The following RTN3 variants were observed in gnomAD, a reference collection of about 807,000 sequenced individuals.
RTN3 encodes reticulon 3.
Under a neutral mutation model 77.8 loss-of-function variants are expected in RTN3, and 49 were observed. The ratio of observed to expected loss-of-function variants is 0.63; its 90% CI spans 0.50 to 0.80. The LOEUF (loss-of-function observed/expected upper bound fraction) is 0.80, where lower values mean the gene tolerates loss of function less well. RTN3 is among the 30% of genes least tolerant of loss of function. The probability of loss-of-function intolerance (pLI) is 0.00; values close to 1 mark genes in which losing one functional copy is unlikely to be tolerated. For missense variants in RTN3, 1,236 were observed against 1,211.9 expected (o/e 1.02, Z -0.29); for synonymous variants, 464 against 446.9 (o/e 1.04, Z -0.48).
rs144097273 is a variant in RTN3 at position 63,719,775 on chromosome 11, T to C, written c.1273T>C (p.Leu425=). ...AITGKPVPDS[L]NSTKEFSIKG... Reference sequence around the variant, plus strand: ...TACTGGAAAACCTGTACCTGACTCTTTGAATTCCACAAAAGAATTCAGTAT... The same window carrying C: ...TACTGGAAAACCTGTACCTGACTCTCTGAATTCCACAAAAGAATTCAGTAT... Residue 425 remains leucine, a synonymous_variant, in exon 3 of 9, where the codon TTG becomes CTG. Coordinates refer to ENST00000377819, the MANE Select transcript of RTN3 (RefSeq NM_001265589.2). 32 of 1,614,170 alleles carry C rather than the reference T, an allele frequency of 2.0e-5. No homozygotes were observed. The highest frequency in any genetic ancestry group is 5.0e-5 in the Admixed American group (3 of 60,014).
At chr11:63,735,512 A>G (rs536786713) in intron 3 of RTN3, among the ~76,000 whole-genome samples, 19 of 150,288 alleles carry the variant, frequency 1.3e-4, no homozygotes, top group South Asian at 2.1e-4. Flanking sequence ...ACACTGATCT[A>G]TGGATTCAAG....
chr11:63,754,042 C>T (rs887872184), intron 7 of RTN3, among the ~76,000 whole-genome samples: 2 of 152,148 alleles, frequency 1.3e-5, no homozygotes, highest in Non-Finnish European at 2.9e-5. Context: ...GTAATCCCAG[C>T]ACTTTGGGAT....
Position 63,752,967 on chromosome 11 carries a change from C to G in RTN3, c.2878-102C>G. On this transcript the variant is annotated intron_variant, in intron 5 of 8. Coordinates refer to ENST00000377819, the MANE Select transcript of RTN3 (RefSeq NM_001265589.2). ...TGGAAATTGTCCATGTCACACATCA[C>G]TAAATTTATGCAGACTTAATTAGCT... 2.6e-6 allele frequency: 3 copies of G among 1,151,756 alleles called. No homozygotes were observed. In the South Asian group the frequency reaches 4.1e-5, roughly 16 times the overall value. 71.3% of individuals were successfully genotyped at this position (1,151,756 alleles called of 1,614,324 possible).
chr11:63,686,504 A>G lies in RTN3; in HGVS notation c.142+4726A>G, dbSNP rs145109907. On this transcript the variant is annotated intron_variant, in intron 1 of 8. Coordinates refer to ENST00000377819, the MANE Select transcript of RTN3 (RefSeq NM_001265589.2). ...AAAAAAAAAAAAGAACAAATTCTAT[A>G]CTTGCTAGAGACTGCTTTTTATTGT... Among the ~76,000 whole-genome samples, 149 of 150,284 alleles carry G rather than the reference A, an allele frequency of 9.9e-4. No homozygotes were observed. The East Asian group carries it at 0.017, about 18-fold the overall frequency.
chr11:63,719,392 T>G lies in RTN3; in HGVS notation c.890T>G (p.Leu297Arg), dbSNP rs765776716. 1.2e-6 allele frequency: 2 copies of G among 1,614,170 alleles called. No homozygotes were observed. Among genetic ancestry groups the G allele is most frequent in the African/African-American group, 1.3e-5 (1 of 75,038 alleles). ...ISETNDKLFP[L>R]RNKEAGRYPM... ...GAGACTAATGACAAGCTTTTTCCAC[T>G]GAGAAATAAAGAGGCAGGACGTTAC... Residue 297 changes from leucine to arginine, a missense_variant, in exon 3 of 9, where the codon CTG (leucine) becomes CGG (arginine). Physicochemically the swap from Leu to Arg is moderately radical, Grantham distance 102 (BLOSUM62 -2). This residue lies in a region of RTN3 where 1,056 missense variants were observed against 990.4 expected (regional missense o/e 1.07). Coordinates refer to ENST00000377819, the MANE Select transcript of RTN3 (RefSeq NM_001265589.2).
chr11:63,714,369 TC>T (rs2011273795), intron 2 of RTN3: 1 of 187,596 alleles, frequency 5.3e-6, no homozygotes, highest in African/African-American at 2.4e-5. Flanking sequence ...TCTAAGCTTG[TC>T]CCCAGAAAAA....
Position 63,719,103 on chromosome 11 carries a change from GCTGATGACAGATTCA to G in RTN3, c.604_618del (p.Asp202_Thr206del). The G allele has an allele frequency of 1.2e-6, 2 of 1,614,172 alleles. No individual in the cohort carries two copies. Among genetic ancestry groups the G allele is most frequent in the Non-Finnish European group, 1.7e-6 (2 of 1,180,034 alleles). ...TAGGGAGGCTAAAACTGCATTGGAT[GCTGATGACAGATTCA>G]CTTTGCTGACAGCCCAGAAACCACC... is the stretch of plus-strand genomic sequence containing the variant. On this transcript the variant is annotated inframe_deletion, in exon 3 of 9. Transcript: ENST00000377819.
chr11:63,718,759 T>G lies in RTN3; in HGVS notation c.257T>G (p.Phe86Cys). The change falls in exon 3 of 9, where the codon TTT becomes TGT. Residue 86 changes from phenylalanine (F) to cysteine (C), a missense_variant. Phe to Cys is a radical substitution (Grantham distance 205). Around this residue, in one of 3 missense-constraint regions of RTN3, gnomAD observed 1,056 missense variants for 990.4 expected, o/e 1.07. Coordinates refer to ENST00000377819, the MANE Select transcript of RTN3 (RefSeq NM_001265589.2). ...TCTTCAGAAATTATGACTTCTTCCT[T>G]TCTTTCATCTTCTGAAATACATAAC... ...EPSSEIMTSS[F>C]LSSSEIHNTG... is the part of the protein sequence containing the mutation. 1 of 1,606,374 alleles carries G rather than the reference T, an allele frequency of 6.2e-7. No homozygotes were observed. The highest frequency in any genetic ancestry group is 8.5e-7 in the Non-Finnish European group (1 of 1,178,244).
At chr11:63,736,871 C>T (rs1032423948) in intron 3 of RTN3, among the ~76,000 whole-genome samples, 1 of 152,022 alleles carries the variant, frequency 6.6e-6, no homozygotes, top group African/African-American at 2.4e-5. Context: ...GAATGACTAT[C>T]CCATCATATT....
intron 1 of RTN3, among the ~76,000 whole-genome samples, chr11:63,690,214 A>G (rs546167018): frequency 6.6e-6 from 1 of 152,176 alleles, no homozygotes; most frequent in African/African-American, 2.4e-5. Context: ...CATTCTGGAA[A>G]ACCTTTTGTT....
chr11:63,700,478 C>T (rs1009085935), intron 1 of RTN3, among the ~76,000 whole-genome samples: 32 of 151,078 alleles, frequency 2.1e-4, no homozygotes, highest in Non-Finnish European at 2.8e-4. Context: ...GAGACAGGAT[C>T]TCACCATGTT....
At position 63,704,897 on chromosome 11, in the gene RTN3, G is replaced by A. The variant is rs371340835; in HGVS notation, c.189G>A (p.Ser63=). The stretch of plus-strand genomic sequence containing the variant: ...CCTCTCAGCCTGTATCTCTATTTTC[G>A]ACCTCACAAGGCAAGTCTGTAATTT... ...SSSSQPVSLF[S]TSQEGLSSLC... The change falls in exon 2 of 9, where the codon TCG becomes TCA. Residue 63 remains serine, a synonymous_variant. Transcript: ENST00000377819. The A allele has an allele frequency of 4.5e-5, 73 of 1,610,296 alleles. No homozygotes were observed. The highest frequency in any genetic ancestry group is 2.0e-4 in the South Asian group (18 of 91,000).
At chr11:63,722,425 C>A (rs2011887417) in intron 3 of RTN3, among the ~76,000 whole-genome samples, 1 of 152,010 alleles carries the variant, frequency 6.6e-6, no homozygotes, top group Non-Finnish European at 1.5e-5. Context: ...TGTACTTAAC[C>A]TTACAATGGT....
At chr11:63,729,091 CAAAA>C (rs934062312) in intron 3 of RTN3, among the ~76,000 whole-genome samples, 3 of 151,106 alleles carry the variant, frequency 2.0e-5, no homozygotes, top group South Asian at 2.1e-4. Flanking sequence ...ACAAAAAAAA[CAAAA>C]AAACTGCAAG....
At chr11:63,754,270 A>C (rs1417152719) in intron 7 of RTN3, among the ~76,000 whole-genome samples, 2 of 151,908 alleles carry the variant, frequency 1.3e-5, no homozygotes, top group African/African-American at 4.8e-5. Context: ...CTCTCTCAAA[A>C]AGGCCAGGAG....
chr11:63,683,934 CT>C (rs1941203513), intron 1 of RTN3, among the ~76,000 whole-genome samples: 1 of 86,566 alleles, frequency 1.2e-5, no homozygotes, highest in Non-Finnish European at 2.4e-5. Flanking sequence ...TTTCTCTTTT[CT>C]TTTCTTTCTT....
intron 1 of RTN3, among the ~76,000 whole-genome samples, chr11:63,685,845 C>T (rs1027476789): frequency 5.3e-5 from 8 of 152,096 alleles, no homozygotes; most frequent in Non-Finnish European, 8.8e-5. Flanking sequence ...ACTGACCTGT[C>T]CAGTAATTAA....
rs532843814 is a variant in RTN3 at position 63,735,248 on chromosome 11, C to A, written c.2530+14216C>A. Among the ~76,000 whole-genome samples the A allele has an allele frequency of 3.9e-5, 6 of 152,214 alleles. No homozygotes were observed. In the East Asian group the frequency reaches 1.2e-3, roughly 29 times the overall value. On this transcript the variant is annotated intron_variant, in intron 3 of 8. Transcript: ENST00000377819. ...CAAGTGATCTGCCCACCTCAGCCTC[C>A]CAAAGTGCTGGGATTACAAGGTGTG...
At chr11:63,735,605 T>TTTCA (rs2013067372) in intron 3 of RTN3, among the ~76,000 whole-genome samples, 2 of 149,238 alleles carry the variant, frequency 1.3e-5, no homozygotes, top group Admixed American at 1.3e-4. Context: ...TCTCTCTTTC[T>TTTCA]TTCAACCCCT....
Sources: allele counts gnomAD v4.1 joint callset (sites outside exome capture counted in the v4.1 genomes callset), GRCh38; gene constraint gnomAD v4.1.1; regional missense constraint gnomAD v4.1.1; transcripts MANE v1.5; gene names NCBI Gene and HGNC (gene_info 2026-07-23, HGNC 2026-07-21).